Variants in RBM19 observed in about 807,000 individuals in gnomAD.
The protein encoded by RBM19 is RNA binding motif protein 19, also known as probable RNA-binding protein 19.
Under a neutral mutation model 116.8 loss-of-function variants are expected in RBM19, and 94 were observed. That is an observed-to-expected ratio of 0.80 (90% CI 0.68 to 0.95). The LOEUF (loss-of-function observed/expected upper bound fraction) is 0.95. Among genes scored for constraint, RBM19 ranks in the 40% least tolerant of loss-of-function variants. The pLI is 0.00. For synonymous variants in RBM19, 475 were observed against 494.1 expected, an observed-to-expected ratio of 0.96 and a Z score of 0.51; for missense variants, 1,161 against 1,220.7, an observed-to-expected ratio of 0.95 and a Z score of 0.73.
intron 13 of RBM19, among the ~76,000 whole-genome samples, 195 bp downstream of exon 13, chr12:113,945,633 C>T (rs183706276): frequency 6.6e-6 from 1 of 152,324 alleles, no homozygotes; most frequent in East Asian, 1.9e-4. Flanking sequence ...GAAGCCAGGG[C>T]TGGAGCCTGG....
At chr12:113,953,271 C>T (rs1006310334) in intron 7 of RBM19, among the ~76,000 whole-genome samples, 3 of 152,228 alleles carry the variant, frequency 2.0e-5, no homozygotes, top group African/African-American at 4.8e-5. Flanking sequence ...GGTGATCACC[C>T]GAGGTCAGGA....
intron 21 of RBM19, among the ~76,000 whole-genome samples, chr12:113,912,225 A>G (rs1012261251): frequency 6.6e-6 from 1 of 152,182 alleles, no homozygotes; most frequent in Non-Finnish European, 1.5e-5. Context: ...CCCTGCCCAG[A>G]GAATGCTCTC....
chr12:113,831,592 C>T (rs973768462), intron 23 of RBM19, among the ~76,000 whole-genome samples: 4 of 152,214 alleles, frequency 2.6e-5, no homozygotes, highest in Admixed American at 6.5e-5. Context: ...AGAAATGGCC[C>T]GGCACAGCTG....
At chr12:113,863,238 G>T (rs1429914243) in intron 21 of RBM19, among the ~76,000 whole-genome samples, 3 of 133,376 alleles carry the variant, frequency 2.2e-5, no homozygotes, top group African/African-American at 5.1e-5. Flanking sequence ...TGTGTGTGTG[G>T]GGCCAGCGTA....
intron 6 of RBM19, 39 bp from the exon 7 acceptor site, chr12:113,955,250 AC>A (rs750795915): frequency 6.3e-7 from 1 of 1,583,016 alleles, no homozygotes; most frequent in East Asian, 2.2e-5. Flanking sequence ...GGCCACACTA[AC>A]CCTTCGTACA....
intron 22 of RBM19, among the ~76,000 whole-genome samples, chr12:113,846,128 T>C (rs1318454531): frequency 6.6e-6 from 1 of 152,194 alleles, no homozygotes; most frequent in East Asian, 1.9e-4. Flanking sequence ...GGCATTAGTT[T>C]AAAGAGCAGT....
chr12:113,960,316 C>T, intron 2 of RBM19, 138 bp from the exon 3 acceptor site: 1 of 1,100,618 alleles, frequency 9.1e-7, no homozygotes, highest in Non-Finnish European at 1.3e-6. Flanking sequence ...TTACACGTCA[C>T]CCCTTAGCCT....
chr12:113,859,837 T>C (rs7965253), intron 21 of RBM19, among the ~76,000 whole-genome samples: 99,866 of 151,652 alleles, frequency 0.66, 33,202 homozygotes, highest in East Asian at 0.97. Flanking sequence ...CACTTGCGGC[T>C]GCCTGGGCAC....
At chr12:113,819,372 G>C (rs1295914264), downstream of RBM19, among the ~76,000 whole-genome samples, 1 of 152,186 alleles carries the variant, frequency 6.6e-6, no homozygotes, top group African/African-American at 2.4e-5. Flanking sequence ...CAAGTGCTCT[G>C]GTCCAGCCTG....
intron 21 of RBM19, among the ~76,000 whole-genome samples, chr12:113,882,338 C>A (rs1006032686): frequency 1.3e-5 from 2 of 152,202 alleles, no homozygotes; most frequent in Non-Finnish European, 2.9e-5. Context: ...TGACCTTGAG[C>A]AAATCACTCA....
chr12:113,906,467 G>C (rs1440183487), intron 21 of RBM19, among the ~76,000 whole-genome samples: 1 of 152,198 alleles, frequency 6.6e-6, no homozygotes, highest in Non-Finnish European at 1.5e-5. Flanking sequence ...GGGGCAGGTA[G>C]TGACTGGCAG....
Position 113,915,054 on chromosome 12 carries a change from C to A in RBM19, c.2473G>T (p.Val825Phe). 6.2e-7 allele frequency: 1 copy of A among 1,614,168 alleles called. No individual in the cohort carries two copies. Among genetic ancestry groups the A allele is most frequent in the Non-Finnish European group, 8.5e-7 (1 of 1,180,026 alleles). The stretch of plus-strand genomic sequence containing the variant: ...TTGGAGGTGGTCTGCTTTCTGGGAA[C>A]TTGTTTCTTCCGAGCCAATGTCACG... ...PAVTLARKKQVPRKQTTSKIL... is the reference protein window; with the variant it reads ...PAVTLARKKQFPRKQTTSKIL... The change falls in exon 21 of 24, where the codon GTT (valine) becomes TTT (phenylalanine). Residue 825 changes from valine (V) to phenylalanine (F), a missense_variant. Transcript: ENST00000261741.
chr12:113,930,508 C>G (rs1869510170), intron 16 of RBM19, among the ~76,000 whole-genome samples: 1 of 152,206 alleles, frequency 6.6e-6, no homozygotes, highest in Non-Finnish European at 1.5e-5. Context: ...AGCCCCAGCC[C>G]AGGAAGAACA....
intron 5 of RBM19, 129 bp from the exon 6 acceptor site, chr12:113,958,179 GC>G: frequency 2.0e-6 from 3 of 1,481,444 alleles, no homozygotes; most frequent in Non-Finnish European, 2.7e-6. Context: ...TGGCCCCTGT[GC>G]CCAGCATCCC....
intron 21 of RBM19, among the ~76,000 whole-genome samples, chr12:113,911,328 C>G (rs955821332): frequency 6.6e-6 from 1 of 152,106 alleles, no homozygotes; most frequent in East Asian, 1.9e-4. Flanking sequence ...AGAACACAGA[C>G]GAATGGGGCA....
intron 22 of RBM19, among the ~76,000 whole-genome samples, chr12:113,850,082 C>A (rs1877335160): frequency 6.6e-6 from 1 of 152,234 alleles, no homozygotes; most frequent in Admixed American, 6.5e-5. Flanking sequence ...AGGGAGATGA[C>A]AGTTCTGGGG....
intron 14 of RBM19, among the ~76,000 whole-genome samples, chr12:113,940,673 G>A (rs907386024): frequency 1.6e-4 from 24 of 152,156 alleles, no homozygotes; most frequent in Non-Finnish European, 3.1e-4. Flanking sequence ...GGCAGCCACA[G>A]GGCAGCGTAC....
rs372077770 is a variant in RBM19 at position 113,959,427 on chromosome 12, G to A, written c.379-23C>T. ...CAGCTGGTGGCACCAGAACCCGGGC[G>A]GCAGGGACACGGGAAAAAGAGAGAG... On this transcript the variant is annotated intron_variant, in intron 4 of 23. Coordinates refer to ENST00000261741, the MANE Select transcript of RBM19 (RefSeq NM_016196.4). 5.7e-5 allele frequency: 90 copies of A among 1,591,638 alleles called. No homozygotes were observed. Among genetic ancestry groups the A allele is most frequent in the South Asian group, 6.7e-5 (6 of 90,008 alleles).
At chr12:113,965,104 C>T (rs1872761094) in intron 1 of RBM19, among the ~76,000 whole-genome samples, 1 of 151,790 alleles carries the variant, frequency 6.6e-6, no homozygotes, top group South Asian at 2.1e-4. Context: ...AACCCCATGT[C>T]TCTACTAAAA....
Sources: allele counts gnomAD v4.1 joint callset (sites outside exome capture counted in the v4.1 genomes callset), GRCh38; gene constraint gnomAD v4.1.1; transcripts MANE v1.5; gene names NCBI Gene and HGNC (gene_info 2026-07-23, HGNC 2026-07-21).